ADARB1: variants seen among roughly 807,000 people sequenced by gnomAD.
ADARB1 encodes double-stranded RNA-specific editase 1.
A neutral mutation model predicts 52.4 loss-of-function variants in ADARB1; 10 were observed. The observed-to-expected ratio is 0.19, with a 90% CI of 0.12 to 0.32. ADARB1 has a LOEUF of 0.32. Among genes scored for constraint, ADARB1 ranks in the 10% least tolerant of loss-of-function variants. ADARB1 has a pLI of 1.00. For synonymous variants in ADARB1, 349 were observed against 371.1 expected, an observed-to-expected ratio of 0.94 and a Z score of 0.68; for missense variants, 643 against 922.3, an observed-to-expected ratio of 0.70 and a Z score of 3.92.
intron 4 of ADARB1, among the ~76,000 whole-genome samples, chr21:45,178,709 G>T (rs1232951673): frequency 6.6e-6 from 1 of 152,296 alleles, no homozygotes; most frequent in African/African-American, 2.4e-5. Context: ...GCAGGTAAAT[G>T]GTGCTGCCTG....
At chr21:45,093,691 G>A (rs944906937) in intron 1 of ADARB1, among the ~76,000 whole-genome samples, 10 of 152,266 alleles carry the variant, frequency 6.6e-5, no homozygotes, top group African/African-American at 2.4e-4. Flanking sequence ...CCAGGGGTAT[G>A]GGGAGACTGT....
chr21:45,132,658 AGATGT>A (rs1199584302), intron 2 of ADARB1, among the ~76,000 whole-genome samples: 1 of 152,188 alleles, frequency 6.6e-6, no homozygotes, highest in Non-Finnish European at 1.5e-5. Flanking sequence ...GTGACACTCC[AGATGT>A]GGGGTTGGTG....
chr21:45,168,610 G>T (rs896495219), intron 2 of ADARB1, among the ~76,000 whole-genome samples: 4 of 152,168 alleles, frequency 2.6e-5, no homozygotes, highest in Non-Finnish European at 4.4e-5. Flanking sequence ...GGACATATTT[G>T]TGTGGTGTAT....
At chr21:45,093,450 C>T (rs1437048029) in intron 1 of ADARB1, among the ~76,000 whole-genome samples, 1 of 152,222 alleles carries the variant, frequency 6.6e-6, no homozygotes, top group African/African-American at 2.4e-5. Context: ...AGAGAGGACC[C>T]GGCTTTCTGT....
chr21:45,144,468 G>GA (rs1018675761), intron 2 of ADARB1, among the ~76,000 whole-genome samples: 4 of 151,950 alleles, frequency 2.6e-5, no homozygotes, highest in South Asian at 2.1e-4. Context: ...TTAAAGTTGG[G>GA]AAAAAAAGAG....
At chr21:45,139,322 C>T (rs1045540294) in intron 2 of ADARB1, among the ~76,000 whole-genome samples, 3 of 152,194 alleles carry the variant, frequency 2.0e-5, no homozygotes, top group Non-Finnish European at 2.9e-5. Flanking sequence ...ATTATTATGA[C>T]GATTGCTGAA....
chr21:45,179,687 C>T (rs899272606), intron 4 of ADARB1, among the ~76,000 whole-genome samples: 1 of 152,092 alleles, frequency 6.6e-6, no homozygotes, highest in African/African-American at 2.4e-5. Flanking sequence ...TTCTATCGTA[C>T]CGTCTGGGCG....
chr21:45,214,945 GAGT>G (rs1665647926), intron 9 of ADARB1, among the ~76,000 whole-genome samples: 1 of 152,148 alleles, frequency 6.6e-6, no homozygotes, highest in Admixed American at 6.5e-5. Context: ...GTACAATGTT[GAGT>G]AGAAGTGATG....
chr21:45,190,079 T>C (rs759344517), intron 8 of ADARB1, among the ~76,000 whole-genome samples: 7 of 152,142 alleles, frequency 4.6e-5, no homozygotes, highest in Non-Finnish European at 8.8e-5. Flanking sequence ...CTAGAATACT[T>C]GTATAAGTCT....
intron 2 of ADARB1, chr21:45,133,565 C>T: frequency 5.7e-6 from 1 of 176,250 alleles, no homozygotes; most frequent in Non-Finnish European, 1.2e-5. Flanking sequence ...ACAGTTCCTC[C>T]CGCCTGCAAG....
At position 45,099,573 on chromosome 21, in the gene ADARB1, A is replaced by G. The variant is rs115900602; in HGVS notation, c.-220+24780A>G. Reference sequence around the variant, plus strand: ...ATCCCAGCGAGCAGGAGGCTGATACATGAGAATCACTTGAACCTTGGGAGG... The same window carrying G: ...ATCCCAGCGAGCAGGAGGCTGATACGTGAGAATCACTTGAACCTTGGGAGG... On this transcript the variant is annotated intron_variant, in intron 1 of 10. Coordinates refer to ENST00000348831, the MANE Select transcript of ADARB1 (RefSeq NM_001112.4). 2.0e-3 allele frequency among the ~76,000 whole-genome samples: 297 copies of G among 152,280 alleles called. 1 individual carries two copies. The highest frequency in any genetic ancestry group is 6.6e-3 in the African/African-American group (274 of 41,540).
At chr21:45,193,208 A>G (rs2092345195) in intron 8 of ADARB1, among the ~76,000 whole-genome samples, 1 of 152,214 alleles carries the variant, frequency 6.6e-6, no homozygotes, top group Admixed American at 6.5e-5. Flanking sequence ...TAGCAAACCA[A>G]ATACAGCATC....
chr21:45,154,986 G>A (rs1193615663), intron 2 of ADARB1, among the ~76,000 whole-genome samples: 3 of 152,206 alleles, frequency 2.0e-5, no homozygotes, highest in Admixed American at 2.0e-4. Flanking sequence ...GAGAGAGATG[G>A]GAACAAAGAG....
intron 1 of ADARB1, among the ~76,000 whole-genome samples, chr21:45,111,991 C>T (rs1241389692): frequency 6.6e-6 from 1 of 152,232 alleles, no homozygotes. Context: ...GCATCAACTG[C>T]TTTGGAAGTT....
At chr21:45,136,311 C>T (rs115728120) in intron 2 of ADARB1, among the ~76,000 whole-genome samples, 1 of 152,302 alleles carries the variant, frequency 6.6e-6, no homozygotes, top group African/African-American at 2.4e-5. Context: ...TGGGGAGACC[C>T]TGCTCTTAAA....
intron 1 of ADARB1, among the ~76,000 whole-genome samples, chr21:45,077,006 G>A (rs12482952): frequency 0.068 from 10,281 of 152,196 alleles, 393 homozygotes; most frequent in East Asian, 0.15. Flanking sequence ...TCCATCCCTG[G>A]GCACTTGGTT....
intron 9 of ADARB1, among the ~76,000 whole-genome samples, chr21:45,215,243 T>A (rs1466072879): frequency 6.6e-6 from 1 of 152,122 alleles, no homozygotes; most frequent in Non-Finnish European, 1.5e-5. Context: ...AGACAATGTC[T>A]TCCTATGTTG....
At chr21:45,090,940 G>T (rs972199280) in intron 1 of ADARB1, among the ~76,000 whole-genome samples, 3 of 152,196 alleles carry the variant, frequency 2.0e-5, no homozygotes, top group African/African-American at 7.2e-5. Flanking sequence ...TGTGGCACTG[G>T]CTTTATTAAA....
chr21:45,111,355 C>G (rs528543402), intron 1 of ADARB1, among the ~76,000 whole-genome samples: 24 of 152,150 alleles, frequency 1.6e-4, no homozygotes, highest in Middle Eastern at 3.2e-3. Flanking sequence ...GGGACAGGTA[C>G]AAAGATTTCC....
Sources: allele counts gnomAD v4.1 joint callset (sites outside exome capture counted in the v4.1 genomes callset), GRCh38; gene constraint gnomAD v4.1.1; transcripts MANE v1.5; gene names NCBI Gene and HGNC (gene_info 2026-07-23, HGNC 2026-07-21).